Variants in PCSK5 observed in about 807,000 individuals in gnomAD.
The protein encoded by PCSK5 is proprotein convertase subtilisin/kexin type 5.
In PCSK5, 129 loss-of-function variants were observed where a neutral mutation model predicts 233.2. That is an observed-to-expected ratio of 0.55 (90% CI 0.48 to 0.64). The LOEUF (loss-of-function observed/expected upper bound fraction) is 0.64. Among genes scored for constraint, PCSK5 ranks in the 30% least tolerant of loss-of-function variants. The pLI is 0.00. For missense variants in PCSK5, 2,076 were observed against 2,430.1 expected (o/e 0.85, Z 3.06); for synonymous variants, 825 against 879.2 (o/e 0.94, Z 1.09).
intron 36 of PCSK5, among the ~76,000 whole-genome samples, chr9:76,351,449 A>AAAGAAG (rs1330895866): frequency 7.1e-5 from 1 of 13,994 alleles, no homozygotes; most frequent in East Asian, 5.2e-3. Context: ...GAAAGAAAGG[A>AAAGAAG]AAGAAAGAAA....
rs142644838 is a variant in PCSK5, at chr9:76,015,496, A to G, written c.412-8242A>G. Among the ~76,000 whole-genome samples the G allele has an allele frequency of 5.1e-3, 772 of 152,368 alleles. 5 individuals carry two copies. The highest frequency in any genetic ancestry group is 7.8e-3 in the Non-Finnish European group (530 of 68,032). On this transcript the variant is annotated intron_variant, in intron 3 of 37. Coordinates refer to ENST00000674117, the MANE Select transcript of PCSK5 (RefSeq NM_001372043.1). ...TTTTATTATGAACTTTAAAGATTAT[A>G]AAGATATAATAATCATACAGCACAA...
intron 24 of PCSK5, among the ~76,000 whole-genome samples, chr9:76,284,958 T>C (rs78837674): frequency 0.011 from 1,684 of 152,316 alleles, 33 homozygotes; most frequent in African/African-American, 0.039. Flanking sequence ...CACACACATA[T>C]ATTAGCATGC....
chr9:76,214,644 GT>G (rs1185204860), intron 20 of PCSK5, among the ~76,000 whole-genome samples: 1 of 152,172 alleles, frequency 6.6e-6, no homozygotes, highest in Non-Finnish European at 1.5e-5. Flanking sequence ...TCAAGTTATT[GT>G]AAGGATCAAG....
intron 23 of PCSK5, among the ~76,000 whole-genome samples, 168 bp downstream of exon 23, chr9:76,239,333 C>T (rs1826355394): frequency 6.6e-6 from 1 of 152,186 alleles, no homozygotes; most frequent in African/African-American, 2.4e-5. Context: ...CTCTCTCCCT[C>T]TCTGTTCACA....
rs568954388 is a variant in PCSK5 at position 76,166,861 on chromosome 9, G to GAGAGA, written c.1620-2843_1620-2842insAGAGA. On this transcript the variant is annotated intron_variant, in intron 12 of 37. Coordinates refer to ENST00000674117, the MANE Select transcript of PCSK5 (RefSeq NM_001372043.1). ...CAACATCTCTCTGTTAGAAAGGGCA[G>GAGAGA]TTTGAAAAAGCTCCTCTTCCCCTTC... Among the ~76,000 whole-genome samples, 28 of 152,336 alleles carry GAGAGA rather than the reference G, an allele frequency of 1.8e-4. No homozygotes were observed. In the South Asian group the frequency reaches 5.6e-3, roughly 30 times the overall value.
chr9:76,085,638 G>A (rs2131629457), intron 7 of PCSK5, among the ~76,000 whole-genome samples: 1 of 152,302 alleles, frequency 6.6e-6, no homozygotes, highest in African/African-American at 2.4e-5. Flanking sequence ...ATTAAGACAG[G>A]ATTGTGTTCA....
chr9:76,042,327 G>C (rs1304836863), intron 5 of PCSK5, among the ~76,000 whole-genome samples: 2 of 152,160 alleles, frequency 1.3e-5, no homozygotes, highest in Non-Finnish European at 2.9e-5. Context: ...TTTGTCTTTT[G>C]TTTCTATTTC....
At chr9:76,276,335 A>G (rs1827686939) in intron 24 of PCSK5, among the ~76,000 whole-genome samples, 1 of 152,234 alleles carries the variant, frequency 6.6e-6, no homozygotes, top group South Asian at 2.1e-4. Context: ...AGCCATTACC[A>G]CACAGTAGAC....
At chr9:75,924,496 G>A (rs1823391512) in intron 1 of PCSK5, among the ~76,000 whole-genome samples, 1 of 152,122 alleles carries the variant, frequency 6.6e-6, no homozygotes, top group Non-Finnish European at 1.5e-5. Context: ...GACACTTTGA[G>A]GTGAAGGTAT....
At chr9:75,921,595 T>C (rs1823263924) in intron 1 of PCSK5, among the ~76,000 whole-genome samples, 1 of 151,944 alleles carries the variant, frequency 6.6e-6, no homozygotes, top group African/African-American at 2.4e-5. Flanking sequence ...TGTGTGTGTG[T>C]ATGGGAAATG....
intron 20 of PCSK5, chr9:76,195,862 C>G (rs565066301): frequency 2.0e-5 from 3 of 152,128 alleles, no homozygotes; most frequent in East Asian, 1.9e-4. Context: ...TTTATTTTTT[C>G]TATTAAATTA....
intron 3 of PCSK5, among the ~76,000 whole-genome samples, chr9:76,020,984 C>T (rs1828161812): frequency 1.3e-5 from 2 of 152,108 alleles, no homozygotes; most frequent in African/African-American, 4.8e-5. Flanking sequence ...AGGAGAGGCC[C>T]AAAAACTCTT....
chr9:76,080,336 C>T (rs1830790262), intron 7 of PCSK5, among the ~76,000 whole-genome samples: 1 of 152,180 alleles, frequency 6.6e-6, no homozygotes, highest in Admixed American at 6.5e-5. Context: ...CGCACTCCAG[C>T]CCTTCAGAAT....
chr9:75,974,072 T>C (rs1353153964), intron 2 of PCSK5, among the ~76,000 whole-genome samples: 1 of 152,082 alleles, frequency 6.6e-6, no homozygotes, highest in Non-Finnish European at 1.5e-5. Flanking sequence ...GAAAATGTGT[T>C]TTCTCTCTCC....
intron 28 of PCSK5, among the ~76,000 whole-genome samples, chr9:76,302,420 T>C (rs929771714): frequency 1.1e-4 from 17 of 152,110 alleles, no homozygotes; most frequent in African/African-American, 3.9e-4. Flanking sequence ...CTGTGAGAAG[T>C]TCCGCAGTGG....
chr9:76,335,228 C>T (rs1197457327), intron 34 of PCSK5, among the ~76,000 whole-genome samples: 1 of 152,180 alleles, frequency 6.6e-6, no homozygotes, highest in Non-Finnish European at 1.5e-5. Context: ...GGTGCTTGAT[C>T]ATCCTGTGAT....
At chr9:76,070,583 T>G (rs1399572992) in intron 6 of PCSK5, among the ~76,000 whole-genome samples, 1 of 152,214 alleles carries the variant, frequency 6.6e-6, no homozygotes, top group Non-Finnish European at 1.5e-5. Context: ...ATTTTTGGAT[T>G]AAGAAAATGA....
intron 10 of PCSK5, among the ~76,000 whole-genome samples, chr9:76,144,903 G>A (rs544844290): frequency 1.9e-4 from 29 of 152,188 alleles, no homozygotes; most frequent in South Asian, 1.0e-3. Flanking sequence ...CGAAGTGGGC[G>A]GATCACGAGG....
intron 24 of PCSK5, among the ~76,000 whole-genome samples, chr9:76,290,703 CAG>C (rs1346722917): frequency 2.2e-4 from 33 of 152,240 alleles, no homozygotes; most frequent in African/African-American, 7.7e-4. Flanking sequence ...GTGCTATAGT[CAG>C]GGGACGGCAA....
Sources: gnomAD v4.1 joint callset for allele counts (sites outside exome capture counted in the v4.1 genomes callset) on GRCh38, gnomAD v4.1.1 for gene constraint, MANE v1.5 for transcripts, NCBI Gene and HGNC (gene_info 2026-07-23, HGNC 2026-07-21) for gene names.